Variants in ELMOD1 observed in about 807,000 individuals in gnomAD.
The protein encoded by ELMOD1 is ELMO domain-containing protein 1.
A neutral mutation model predicts 46.7 loss-of-function variants in ELMOD1; 21 were observed. That is an observed-to-expected ratio of 0.45 (90% CI 0.32 to 0.65). The LOEUF (loss-of-function observed/expected upper bound fraction) is 0.65, where lower values mean the gene tolerates loss of function less well. Ranked by LOEUF, ELMOD1 falls within the 30% of genes least tolerant of loss-of-function variation. The probability of loss-of-function intolerance (pLI) is 0.04; values close to 1 mark genes in which losing one functional copy is unlikely to be tolerated. For synonymous variants in ELMOD1, 122 were observed against 138.2 expected, an observed-to-expected ratio of 0.88 and a Z score of 0.82; for missense variants, 348 against 407.8, an observed-to-expected ratio of 0.85 and a Z score of 1.26.
At chr11:107,650,442 G>A in intron 8 of ELMOD1, 39 bp downstream of exon 8, 1 of 1,400,134 alleles carries the variant, frequency 7.1e-7, no homozygotes, top group Non-Finnish European at 9.9e-7. Flanking sequence ...GGTTTTATGG[G>A]TTAGATCAAA....
intron 5 of ELMOD1, among the ~76,000 whole-genome samples, chr11:107,632,038 A>G (rs758579749): frequency 6.6e-6 from 1 of 152,226 alleles, no homozygotes; most frequent in Non-Finnish European, 1.5e-5. Context: ...ATTCTGTTCC[A>G]TCTAGAATAG....
At chr11:107,626,008 G>C (rs1265616557) in intron 2 of ELMOD1, among the ~76,000 whole-genome samples, 1 of 152,206 alleles carries the variant, frequency 6.6e-6, no homozygotes, top group Non-Finnish European at 1.5e-5. Context: ...TATGCATGTA[G>C]TTATTAGAAA....
intron 1 of ELMOD1, among the ~76,000 whole-genome samples, chr11:107,600,048 C>CT (rs912045662): frequency 1.3e-5 from 2 of 150,618 alleles, no homozygotes; most frequent in African/African-American, 4.9e-5. Flanking sequence ...TGGATGGCAC[C>CT]TTTTTTTTTA....
At chr11:107,629,557 GTCA>G (rs1402325620) in intron 2 of ELMOD1, among the ~76,000 whole-genome samples, 1 of 152,148 alleles carries the variant, frequency 6.6e-6, no homozygotes, top group African/African-American at 2.4e-5. Context: ...AAAATTAAAA[GTCA>G]TCATAAAAGA....
intron 2 of ELMOD1, among the ~76,000 whole-genome samples, chr11:107,629,286 C>T (rs949497976): frequency 6.6e-6 from 1 of 152,100 alleles, no homozygotes; most frequent in Non-Finnish European, 1.5e-5. Flanking sequence ...TAGTTAACTA[C>T]TCCAGTATAT....
At chr11:107,663,508 A>G (rs1348095304) in intron 11 of ELMOD1, among the ~76,000 whole-genome samples, 1 of 149,256 alleles carries the variant, frequency 6.7e-6, no homozygotes, top group African/African-American at 2.5e-5. Context: ...AAAAAAAAAA[A>G]GAAATGGAAC....
chr11:107,624,152 C>G (rs1160432203), intron 2 of ELMOD1, among the ~76,000 whole-genome samples: 10 of 151,954 alleles, frequency 6.6e-5, no homozygotes, highest in Non-Finnish European at 1.5e-4. Flanking sequence ...TGAATAATAC[C>G]TTTGATGACT....
Position 107,647,503 on chromosome 11 carries a change from A to G in ELMOD1, c.456A>G (p.Glu152=), listed in dbSNP as rs763374205. 6.2e-7 allele frequency: 1 copy of G among 1,613,572 alleles called. No homozygotes were observed. Among genetic ancestry groups the G allele is most frequent in the Non-Finnish European group, 8.5e-7 (1 of 1,179,720 alleles). Residue 152 remains glutamate (E), a synonymous_variant, in exon 7 of 12, where the codon GAA becomes GAG. Coordinates refer to ENST00000265840, the MANE Select transcript of ELMOD1 (RefSeq NM_018712.4). ...TCTTGAAGCCCAATACTCCACTGGA[A>G]TCTCGGATTTCTAAGCAGTGGTGTG... ...WKFLKPNTPL[E]SRISKQWCEI...
chr11:107,616,400 G>T (rs1470250779), intron 1 of ELMOD1, among the ~76,000 whole-genome samples: 1 of 151,786 alleles, frequency 6.6e-6, no homozygotes, highest in African/African-American at 2.4e-5. Flanking sequence ...TTGTTTTTGA[G>T]ACAGAGTCTC....
chr11:107,618,575 A>G (rs1004563258), intron 2 of ELMOD1, among the ~76,000 whole-genome samples: 4 of 152,216 alleles, frequency 2.6e-5, no homozygotes, highest in Non-Finnish European at 5.9e-5. Flanking sequence ...TCTGGAAATA[A>G]GTATCCTTTT....
intron 9 of ELMOD1, among the ~76,000 whole-genome samples, chr11:107,652,913 T>C (rs1866550679): frequency 6.6e-6 from 1 of 152,244 alleles, no homozygotes; most frequent in Non-Finnish European, 1.5e-5. Context: ...TGGAGAACTC[T>C]CCTTTCTTCT....
intron 1 of ELMOD1, among the ~76,000 whole-genome samples, chr11:107,601,251 T>A (rs1865592347): frequency 6.6e-6 from 1 of 152,000 alleles, no homozygotes; most frequent in East Asian, 1.9e-4. Context: ...TACATGTTTC[T>A]CCTTTCTCAA....
At chr11:107,625,635 C>T (rs531915543) in intron 2 of ELMOD1, 4 of 891,282 alleles carry the variant, frequency 4.5e-6, no homozygotes, top group East Asian at 1.2e-4. Context: ...TCTAACAAAG[C>T]GCCACAAGAC....
chr11:107,649,520 G>C (rs1866489324), intron 7 of ELMOD1, among the ~76,000 whole-genome samples: 1 of 152,194 alleles, frequency 6.6e-6, no homozygotes, highest in African/African-American at 2.4e-5. Flanking sequence ...GACGCACTGA[G>C]CCAAAAAATA....
rs145000953 is a variant in ELMOD1, at chr11:107,657,677, C to T, written c.832+1611C>T. On this transcript the variant is annotated intron_variant, in intron 11 of 11. Transcript: ENST00000265840. Reference sequence around the variant, plus strand: ...TAAAGACAGTTTCTTAATGCAAGGTCGTAAACATTTTACTTCTCTGTACCT... The same window carrying T: ...TAAAGACAGTTTCTTAATGCAAGGTTGTAAACATTTTACTTCTCTGTACCT... 1.1e-3 allele frequency among the ~76,000 whole-genome samples: 172 copies of T among 152,268 alleles called. 2 individuals are homozygous for T. The Middle Eastern group carries it at 0.044, about 39-fold the overall frequency.
chr11:107,604,160 AG>A (rs1865650035), intron 1 of ELMOD1, among the ~76,000 whole-genome samples: 1 of 152,138 alleles, frequency 6.6e-6, no homozygotes, highest in Non-Finnish European at 1.5e-5. Context: ...TTATGATCTG[AG>A]CTGTCTTCAT....
intron 9 of ELMOD1, among the ~76,000 whole-genome samples, chr11:107,652,074 A>G (rs577679220): frequency 6.6e-6 from 1 of 152,378 alleles, no homozygotes; most frequent in African/African-American, 2.4e-5. Flanking sequence ...ATAAAATTGA[A>G]TCAATAAAGT....
At chr11:107,622,984 T>C (rs927485525) in intron 2 of ELMOD1, among the ~76,000 whole-genome samples, 1 of 152,166 alleles carries the variant, frequency 6.6e-6, no homozygotes, top group African/African-American at 2.4e-5. Context: ...ACATATATAT[T>C]TTTATTATAC....
In ELMOD1 at chr11:107,650,391, A is replaced by G. The variant is rs747460460; in HGVS notation, c.611A>G (p.His204Arg). ...CAGCAGGTCCTGTCTGACTCTCTTCATCCGAAATGCAGGTAATTGTTGAAA... is the reference window on the plus strand; with the variant it reads ...CAGCAGGTCCTGTCTGACTCTCTTCGTCCGAAATGCAGGTAATTGTTGAAA... ...AAQQVLSDSLHPKCRDITKEE... is the reference protein window; with the variant it reads ...AAQQVLSDSLRPKCRDITKEE... Residue 204 changes from histidine to arginine, a missense_variant, in exon 8 of 12, where the codon CAT becomes CGT. His to Arg is a conservative substitution (Grantham distance 29, BLOSUM62 0). Transcript: ENST00000265840. 1 of 1,589,870 alleles carries G rather than the reference A, an allele frequency of 6.3e-7. No homozygotes were observed. Among genetic ancestry groups the G allele is most frequent in the Admixed American group, 1.8e-5 (1 of 56,838 alleles).
Sources: allele counts gnomAD v4.1 joint callset (sites outside exome capture counted in the v4.1 genomes callset), GRCh38; gene constraint gnomAD v4.1.1; transcripts MANE v1.5; gene names NCBI Gene and HGNC (gene_info 2026-07-23, HGNC 2026-07-21).